Variants in DNAAF4 observed in about 807,000 individuals in gnomAD.
The protein encoded by DNAAF4 is dynein axonemal assembly factor 4.
DNAAF4 carries 43 observed loss-of-function variants against 51.8 expected under a neutral mutation model. The observed-to-expected ratio is 0.83, with a 90% CI of 0.65 to 1.07. The LOEUF (loss-of-function observed/expected upper bound fraction) is 1.07. Ranked by LOEUF, DNAAF4 falls within the 50% of genes least tolerant of loss-of-function variation. The pLI is 0.00. For missense variants in DNAAF4, 581 were observed against 493.0 expected, an observed-to-expected ratio of 1.18 and a Z score of -1.69; for synonymous variants, 194 against 165.6, an observed-to-expected ratio of 1.17 and a Z score of -1.32.
intron 7 of DNAAF4, among the ~76,000 whole-genome samples, chr15:55,423,051 G>A (rs1010442287): frequency 6.6e-6 from 1 of 151,884 alleles, no homozygotes; most frequent in Non-Finnish European, 1.5e-5. Flanking sequence ...AGAAGAAGCG[G>A]TAGAGAGGAA....
At chr15:55,441,022 T>G (rs1287133321) in intron 6 of DNAAF4, among the ~76,000 whole-genome samples, 2 of 151,278 alleles carry the variant, frequency 1.3e-5, no homozygotes, top group East Asian at 2.0e-4. Flanking sequence ...GGAAATACAA[T>G]AGATAAAATT....
At chr15:55,439,625 T>C in intron 6 of DNAAF4, 44 bp from the exon 7 acceptor site, 1 of 1,524,680 alleles carries the variant, frequency 6.6e-7, no homozygotes, top group Non-Finnish European at 9.0e-7. Context: ...AAGGTCTTTT[T>C]TTAATTAACA....
At chr15:55,466,748 T>G (rs2058176283) in intron 5 of DNAAF4, among the ~76,000 whole-genome samples, 182 bp downstream of exon 5, 1 of 152,304 alleles carries the variant, frequency 6.6e-6, no homozygotes, top group Admixed American at 6.5e-5. Flanking sequence ...GCTCATTTTA[T>G]TAGAAAACTT....
Position 55,430,444 on chromosome 15 carries a change from A to T in DNAAF4, c.*226T>A. The T allele has an allele frequency of 2.9e-6, 3 of 1,028,488 alleles. No individual in the cohort carries two copies. The highest frequency in any genetic ancestry group is 3.6e-6 in the Non-Finnish European group (3 of 837,976). The allele number at this position is 1,028,488 out of a possible 1,614,324, so 63.7% of individuals were successfully genotyped here. A position where few individuals can be genotyped will look rare whatever the true frequency, so the allele number is the denominator to read the frequency against. On this transcript the variant is annotated 3_prime_UTR_variant, in exon 10 of 10. Coordinates refer to ENST00000321149, the MANE Select transcript of DNAAF4 (RefSeq NM_130810.4). ...ACACAAAAAAGTATACATATGTATT[A>T]ATATGAAGAAATAAGGAATTAAAAT...
intron 3 of DNAAF4, 95 bp from the exon 4 acceptor site, chr15:55,491,351 C>G: frequency 1.2e-5 from 15 of 1,265,672 alleles, no homozygotes; most frequent in Non-Finnish European, 1.6e-5. Flanking sequence ...GATGAGATTT[C>G]TTTGTACCCA....
In DNAAF4 at chr15:55,498,343, G is replaced by A. The variant is rs997803179; in HGVS notation, c.-14C>T. The A allele has an allele frequency of 1.9e-5, 31 of 1,596,754 alleles. No homozygotes were observed. In the East Asian group the frequency reaches 3.2e-4, roughly 16 times the overall value. ...CTGAAGAGGCATTCCGGTAGCAACGGGAGCGGATAGCGCGGCTGGTTGCTT... is the reference window on the plus strand; with the variant it reads ...CTGAAGAGGCATTCCGGTAGCAACGAGAGCGGATAGCGCGGCTGGTTGCTT... On this transcript the variant is annotated 5_prime_UTR_variant, in exon 2 of 10. Coordinates refer to ENST00000321149, the MANE Select transcript of DNAAF4 (RefSeq NM_130810.4).
chr15:55,459,495 C>T (rs1461779305), intron 5 of DNAAF4, among the ~76,000 whole-genome samples: 7 of 152,092 alleles, frequency 4.6e-5, no homozygotes, highest in African/African-American at 1.7e-4. Context: ...AACAGTACCT[C>T]ACATCTCAAT....
intron 5 of DNAAF4, among the ~76,000 whole-genome samples, chr15:55,452,567 A>T (rs574631933): frequency 6.6e-6 from 1 of 152,208 alleles, no homozygotes; most frequent in Non-Finnish European, 1.5e-5. Flanking sequence ...ATTGCAAAAC[A>T]TAAAAAAGAA....
chr15:55,432,614 T>C lies in DNAAF4; in HGVS notation c.1048-12A>G, dbSNP rs553578848. 2.1e-5 allele frequency: 33 copies of C among 1,588,378 alleles called. No homozygotes were observed. The East Asian group carries it at 6.3e-4, about 30-fold the overall frequency. ...AATAATTCCAGTGCCTTACAAAATA[T>C]ATATAATTATTACAAGAAAGTTATA... is the stretch of plus-strand genomic sequence containing the variant. On this transcript the variant is annotated splice_polypyrimidine_tract_variant and intron_variant, in intron 8 of 9. Coordinates refer to ENST00000321149, the MANE Select transcript of DNAAF4 (RefSeq NM_130810.4).
At chr15:55,489,932 G>GGC (rs1235560943) in intron 4 of DNAAF4, among the ~76,000 whole-genome samples, 5 of 148,938 alleles carry the variant, frequency 3.4e-5, no homozygotes, top group Non-Finnish European at 1.5e-5. Flanking sequence ...GGAGTGCAGT[G>GGC]GCGCAATCTC....
chr15:55,418,993 T>C (rs1049311623), intron 7 of DNAAF4, among the ~76,000 whole-genome samples: 2 of 149,060 alleles, frequency 1.3e-5, no homozygotes, highest in Admixed American at 1.4e-4. Context: ...GGTTGCTCAC[T>C]GCGACCTCCG....
intron 4 of DNAAF4, among the ~76,000 whole-genome samples, chr15:55,487,305 C>T (rs1015130364): frequency 5.9e-5 from 9 of 152,022 alleles, no homozygotes; most frequent in Non-Finnish European, 1.0e-4. Flanking sequence ...ATTGTAAACG[C>T]GCCAATCAGC....
At chr15:55,463,725 A>G (rs2058128805) in intron 5 of DNAAF4, among the ~76,000 whole-genome samples, 1 of 152,168 alleles carries the variant, frequency 6.6e-6, no homozygotes, top group South Asian at 2.1e-4. Context: ...ACAAAAAACC[A>G]AAATACTTAG....
chr15:55,433,731 A>G (rs1453870694), intron 8 of DNAAF4, among the ~76,000 whole-genome samples: 1 of 128,378 alleles, frequency 7.8e-6, no homozygotes, highest in Non-Finnish European at 1.6e-5. Flanking sequence ...AAACAAATAT[A>G]TATATAATTA....
chr15:55,417,919 T>A (rs1024672190), exon 8 of DNAAF4: 1 of 498,036 alleles, frequency 2.0e-6, no homozygotes, highest in Non-Finnish European at 3.5e-6. Context: ...GGGGCAGGGG[T>A]CACAAGGTGC....
At chr15:55,464,869 C>T (rs1305441041) in intron 5 of DNAAF4, among the ~76,000 whole-genome samples, 8 of 152,076 alleles carry the variant, frequency 5.3e-5, no homozygotes, top group Non-Finnish European at 7.4e-5. Context: ...GCAGGAGAAT[C>T]GCTTGAACCT....
chr15:55,492,104 A>C (rs934997044), intron 3 of DNAAF4, among the ~76,000 whole-genome samples: 8 of 151,788 alleles, frequency 5.3e-5, no homozygotes, highest in Non-Finnish European at 1.2e-4. Flanking sequence ...CGATGCTCCT[A>C]CCTTGGCCTC....
Position 55,492,660 on chromosome 15 carries a change from C to A in DNAAF4, c.272-1404G>T, listed in dbSNP as rs988111871. On this transcript the variant is annotated intron_variant, in intron 3 of 9. Coordinates refer to ENST00000321149, the MANE Select transcript of DNAAF4 (RefSeq NM_130810.4). ...GTTCAAGCAATTCTCCTGCCTCAGC[C>A]TCCCAAGTAGCCGGGACTACGGGTG... Among the ~76,000 whole-genome samples the A allele has an allele frequency of 1.1e-4, 16 of 152,140 alleles. 1 individual carries two copies. The highest frequency in any genetic ancestry group is 7.2e-4 in the Admixed American group (11 of 15,282).
chr15:55,477,165 C>G (rs1285626446), intron 4 of DNAAF4, among the ~76,000 whole-genome samples: 2 of 150,298 alleles, frequency 1.3e-5, no homozygotes, highest in Non-Finnish European at 3.0e-5. Flanking sequence ...GAATGAAACT[C>G]CAACTCAAAA....
Sources: gnomAD v4.1 joint callset for allele counts (sites outside exome capture counted in the v4.1 genomes callset) on GRCh38, gnomAD v4.1.1 for gene constraint, MANE v1.5 for transcripts, NCBI Gene and HGNC (gene_info 2026-07-23, HGNC 2026-07-21) for gene names.